Variants in C17orf107 observed in about 807,000 individuals in gnomAD.
C17orf107 encodes the protein chromosome 17 open reading frame 107, also known as uncharacterized protein C17orf107.
Under a neutral mutation model 8.9 loss-of-function variants are expected in C17orf107, and 9 were observed. The ratio of observed to expected loss-of-function variants is 1.02; its 90% CI spans 0.61 to 1.77. The LOEUF is 1.77. C17orf107 is among the 40% of genes most tolerant of loss of function. The pLI is 0.00. For synonymous variants in C17orf107, 139 were observed against 120.3 expected (o/e 1.16, Z -1.02); for missense variants, 281 against 249.0 (o/e 1.13, Z -0.86).
rs1969947336 is a variant in C17orf107, at chr17:4,900,553, T to G, written c.*20T>G. 1.3e-6 allele frequency: 2 copies of G among 1,550,170 alleles called. No individual in the cohort carries two copies. The highest frequency in any genetic ancestry group is 1.7e-6 in the Non-Finnish European group (2 of 1,146,858). On this transcript the variant is annotated 3_prime_UTR_variant, in exon 3 of 3. Coordinates refer to ENST00000381365, the MANE Select transcript of C17orf107 (RefSeq NM_001145536.2). ...AGTTAGGGGCCAGAGGCGGCGGGGC[T>G]AGGGAGGCACTGAGCCGGACTGTCC...
At position 4,900,593 on chromosome 17, in the gene C17orf107, T is replaced by G; in HGVS notation, c.*60T>G. ...CCGGACTGTCCCCCAAGAGAGCTAC[T>G]CGGGAGACCTCCAGGTGACGTCCAG... is the stretch of plus-strand genomic sequence containing the variant. On this transcript the variant is annotated 3_prime_UTR_variant, in exon 3 of 3. Coordinates refer to ENST00000381365, the MANE Select transcript of C17orf107 (RefSeq NM_001145536.2). 1 of 1,541,516 alleles carries G rather than the reference T, an allele frequency of 6.5e-7. No individual in the cohort carries two copies. The highest frequency in any genetic ancestry group is 8.8e-7 in the Non-Finnish European group (1 of 1,140,552).
rs1457586491 is a variant in C17orf107, at chr17:4,899,805, T to C, written c.43T>C (p.Tyr15His). 1 of 1,551,260 alleles carries C rather than the reference T, an allele frequency of 6.4e-7. No individual in the cohort carries two copies. The highest frequency in any genetic ancestry group is 8.7e-7 in the Non-Finnish European group (1 of 1,146,980). ...PSSLDTLMWI[Y>H]HFHSSTEVAL... ...CTCCCTGGACACCCTGATGTGGATC[T>C]ACCACTTCCACAGCTCCACCGAGGT... Residue 15 changes from tyrosine (Y) to histidine (H), a missense_variant, in exon 1 of 3, where the codon TAC becomes CAC. Tyr to His is a moderately conservative substitution (Grantham distance 83). Coordinates refer to ENST00000381365, the MANE Select transcript of C17orf107 (RefSeq NM_001145536.2).
At chr17:4,906,098 C>T (rs1395828940), downstream of C17orf107, among the ~76,000 whole-genome samples, 3 of 152,216 alleles carry the variant, frequency 2.0e-5, no homozygotes, top group Non-Finnish European at 4.4e-5. Flanking sequence ...ATCATTTCAC[C>T]ATGGTCTTAG....
Position 4,901,870 on chromosome 17 carries a change from C to CG in C17orf107, c.*1337_*1338insG. 11 of 1,375,236 alleles carry CG rather than the reference C, an allele frequency of 8.0e-6. No individual in the cohort carries two copies. The highest frequency in any genetic ancestry group is 1.1e-5 in the Non-Finnish European group (11 of 979,638). 85.2% of individuals were successfully genotyped at this position (1,375,236 alleles called of 1,614,324 possible). A position where few individuals can be genotyped will look rare whatever the true frequency, so the allele number is the denominator to read the frequency against. On this transcript the variant is annotated 3_prime_UTR_variant, in exon 3 of 3. Transcript: ENST00000381365. ...CCCGAGGGCGGTGCTTCCCGGTTGG[C>CG]CCCGCCCCATAAGGCCCCCCCCCAA...
Position 4,900,784 on chromosome 17 carries a change from C to A in C17orf107, c.*251C>A, listed in dbSNP as rs754325287. ...ACTGGCCACACCCCCGCGGGGGCTC[C>A]GGCTTCACCTGCCCAGGAGCGGCAC... On this transcript the variant is annotated 3_prime_UTR_variant, in exon 3 of 3. Transcript: ENST00000381365. The A allele has an allele frequency of 3.1e-6, 5 of 1,611,610 alleles. No homozygotes were observed. Among genetic ancestry groups the A allele is most frequent in the Admixed American group, 1.7e-5 (1 of 59,742 alleles).
chr17:4,900,154 C>T lies in C17orf107; in HGVS notation c.276+9C>T, dbSNP rs1468644160. Reference sequence around the variant, plus strand: ...GCACCACCTTGTTAGAGGTGGGGTACTGGGGGGCTTAGGATACGCGGCGAT... The same window carrying T: ...GCACCACCTTGTTAGAGGTGGGGTATTGGGGGGCTTAGGATACGCGGCGAT... On this transcript the variant is annotated intron_variant, in intron 2 of 2. Transcript: ENST00000381365. 6.5e-7 allele frequency: 1 copy of T among 1,548,666 alleles called. No individual in the cohort carries two copies. Among genetic ancestry groups the T allele is most frequent in the African/African-American group, 1.4e-5 (1 of 73,146 alleles).
At position 4,901,891 on chromosome 17, in the gene C17orf107, C is replaced by CCTCCG. The variant is rs1555546937; in HGVS notation, c.*1359_*1360insTCCGC. On this transcript the variant is annotated 3_prime_UTR_variant, in exon 3 of 3. Transcript: ENST00000381365. Reference sequence around the variant, plus strand: ...TTGGCCCCGCCCCATAAGGCCCCCCCCCAACAATAATCGTCCGGGCCTCGG... The same window carrying CCTCCG: ...TTGGCCCCGCCCCATAAGGCCCCCCCCTCCGCCAACAATAATCGTCCGGGCCTCGG... 1 of 1,606,302 alleles carries CCTCCG rather than the reference C, an allele frequency of 6.2e-7. No individual in the cohort carries two copies.
chr17:4,902,586 A>G lies in C17orf107; in HGVS notation c.*2053A>G, dbSNP rs1160775129. The G allele has an allele frequency of 6.2e-7, 1 of 1,613,930 alleles. No homozygotes were observed. Among genetic ancestry groups the G allele is most frequent in the Non-Finnish European group, 8.5e-7 (1 of 1,180,030 alleles). ...CTCAGCGGTTGGGGCCAGAAGTGGG[A>G]TTTTTGGCTTAAGATGAGGGTGGGG... On this transcript the variant is annotated 3_prime_UTR_variant, in exon 3 of 3. Transcript: ENST00000381365. The surrounding 1 kb of genome is among the most constrained non-coding windows in gnomAD (Gnocchi z 4.0).
rs1276027772 is a variant in C17orf107, at chr17:4,901,613, G to A, written c.*1080G>A. On this transcript the variant is annotated 3_prime_UTR_variant, in exon 3 of 3. Coordinates refer to ENST00000381365, the MANE Select transcript of C17orf107 (RefSeq NM_001145536.2). ...AAGTGAACTCCACCTCTTCGGCATT[G>A]TACGTCTGAGAGCTGCGGAGCCAGG... The A allele has an allele frequency of 5.6e-6, 9 of 1,614,098 alleles. No homozygotes were observed. Among genetic ancestry groups the A allele is most frequent in the Non-Finnish European group, 7.6e-6 (9 of 1,180,002 alleles).
rs767627268 is a variant in C17orf107 at position 4,900,180 on chromosome 17, C to T, written c.276+35C>T. ...TGGGGGGCTTAGGATACGCGGCGAT[C>T]GGGTAGCGGGAACAAGGACCTCTGC... On this transcript the variant is annotated intron_variant, in intron 2 of 2. Coordinates refer to ENST00000381365, the MANE Select transcript of C17orf107 (RefSeq NM_001145536.2). 32 of 1,543,624 alleles carry T rather than the reference C, an allele frequency of 2.1e-5. No homozygotes were observed. The South Asian group carries it at 3.4e-4, about 16-fold the overall frequency.
At position 4,901,881 on chromosome 17, in the gene C17orf107, A is replaced by C. The variant is rs1969998847; in HGVS notation, c.*1348A>C. On this transcript the variant is annotated 3_prime_UTR_variant, in exon 3 of 3. Transcript: ENST00000381365. ...TGCTTCCCGGTTGGCCCCGCCCCAT[A>C]AGGCCCCCCCCCAACAATAATCGTC... 32 of 1,448,888 alleles carry C rather than the reference A, an allele frequency of 2.2e-5. No individual in the cohort carries two copies. Among genetic ancestry groups the C allele is most frequent in the African/African-American group, 3.0e-5 (2 of 65,872 alleles). The allele number at this position is 1,448,888 out of a possible 1,614,324, so 89.8% of individuals were successfully genotyped here. A position where few individuals can be genotyped will look rare whatever the true frequency, so the allele number is the denominator to read the frequency against.
rs779257808 is a variant in C17orf107 at position 4,902,704 on chromosome 17, C to T, written c.*2171C>T. 1.2e-6 allele frequency: 2 copies of T among 1,613,918 alleles called. No individual in the cohort carries two copies. Among genetic ancestry groups the T allele is most frequent in the African/African-American group, 1.3e-5 (1 of 74,852 alleles). ...TCCCGCACTGGCCGGCTTCCTGGGT[C>T]ATAGTTGTTGAAGAGATGGTGATAA... On this transcript the variant is annotated 3_prime_UTR_variant, in exon 3 of 3. Coordinates refer to ENST00000381365, the MANE Select transcript of C17orf107 (RefSeq NM_001145536.2). The surrounding 1 kb of genome is among the most constrained non-coding windows in gnomAD (Gnocchi z 4.0).
In C17orf107 at chr17:4,902,603, A is replaced by C; in HGVS notation, c.*2070A>C. The C allele has an allele frequency of 6.2e-7, 1 of 1,613,944 alleles. No homozygotes were observed. On this transcript the variant is annotated 3_prime_UTR_variant, in exon 3 of 3. Coordinates refer to ENST00000381365, the MANE Select transcript of C17orf107 (RefSeq NM_001145536.2). The surrounding 1 kb of genome is among the most constrained non-coding windows in gnomAD (Gnocchi z 4.0). ...GAAGTGGGATTTTTGGCTTAAGATG[A>C]GGGTGGGGGTAGCTTACCAGTGAGA...
Position 4,900,587 on chromosome 17 carries a change from A to G in C17orf107, c.*54A>G. ...ACTGAGCCGGACTGTCCCCCAAGAG[A>G]GCTACTCGGGAGACCTCCAGGTGAC... On this transcript the variant is annotated 3_prime_UTR_variant, in exon 3 of 3. Coordinates refer to ENST00000381365, the MANE Select transcript of C17orf107 (RefSeq NM_001145536.2). 6.5e-7 allele frequency: 1 copy of G among 1,545,862 alleles called. No homozygotes were observed. The highest frequency in any genetic ancestry group is 8.7e-7 in the Non-Finnish European group (1 of 1,143,934).
downstream of C17orf107, among the ~76,000 whole-genome samples, chr17:4,905,287 G>A (rs974850315): frequency 6.6e-6 from 1 of 152,176 alleles, no homozygotes; most frequent in African/African-American, 2.4e-5. Context: ...AGTGGCTCAT[G>A]CCTGTAATCC....
chr17:4,901,850 G>C lies in C17orf107; in HGVS notation c.*1317G>C. 6.3e-7 allele frequency: 1 copy of C among 1,587,030 alleles called. No individual in the cohort carries two copies. The highest frequency in any genetic ancestry group is 1.1e-5 in the South Asian group (1 of 90,020). On this transcript the variant is annotated 3_prime_UTR_variant, in exon 3 of 3. Coordinates refer to ENST00000381365, the MANE Select transcript of C17orf107 (RefSeq NM_001145536.2). Reference sequence around the variant, plus strand: ...CCTCCAGCGCGAAGCCCCGCCCCGAGGGCGGTGCTTCCCGGTTGGCCCCGC... The same window carrying C: ...CCTCCAGCGCGAAGCCCCGCCCCGACGGCGGTGCTTCCCGGTTGGCCCCGC...
intron 2 of C17orf107, 32 bp downstream of exon 2, chr17:4,900,177 G>A (rs935459026): frequency 5.8e-6 from 9 of 1,544,978 alleles, no homozygotes; most frequent in African/African-American, 1.4e-5. Context: ...GATACGCGGC[G>A]ATCGGGTAGC....
Position 4,901,892 on chromosome 17 carries a change from C to CCCT in C17orf107, c.*1360_*1361insCTC, listed in dbSNP as rs386794777. ...TGGCCCCGCCCCATAAGGCCCCCCCCCAACAATAATCGTCCGGGCCTCGGA... is the reference window on the plus strand; with the variant it reads ...TGGCCCCGCCCCATAAGGCCCCCCCCCCTCAACAATAATCGTCCGGGCCTCGGA... On this transcript the variant is annotated 3_prime_UTR_variant, in exon 3 of 3. Coordinates refer to ENST00000381365, the MANE Select transcript of C17orf107 (RefSeq NM_001145536.2). The CCCT allele has an allele frequency of 6.2e-7, 1 of 1,606,672 alleles. No individual in the cohort carries two copies. The highest frequency in any genetic ancestry group is 1.4e-5 in the African/African-American group (1 of 73,552).
Position 4,901,221 on chromosome 17 carries a change from T to G in C17orf107, c.*688T>G, listed in dbSNP as rs940761317. The G allele has an allele frequency of 1.3e-6, 2 of 1,592,388 alleles. No individual in the cohort carries two copies. The highest frequency in any genetic ancestry group is 1.7e-6 in the Non-Finnish European group (2 of 1,174,304). On this transcript the variant is annotated 3_prime_UTR_variant, in exon 3 of 3. Transcript: ENST00000381365. ...GGACGGGGGCACGGTCAGCTGGCTG[T>G]CAGAGCGGGGCGCCCGCCGAGCTGA...
Sources: gnomAD v4.1 joint callset for allele counts (sites outside exome capture counted in the v4.1 genomes callset) on GRCh38, gnomAD v4.1.1 for gene constraint, Gnocchi (gnomAD v3.1) non-coding constraint, MANE v1.5 for transcripts, NCBI Gene and HGNC (gene_info 2026-07-23, HGNC 2026-07-21) for gene names.